Variants in CREBRF observed in about 807,000 individuals in gnomAD.
CREBRF encodes the protein UPF0474 protein C5orf41.
CREBRF carries 5 observed loss-of-function variants against 66.1 expected under a neutral mutation model. The ratio of observed to expected loss-of-function variants is 0.08; its 90% CI spans 0.04 to 0.16. CREBRF has a LOEUF of 0.16. Among genes scored for constraint, CREBRF ranks in the 10% least tolerant of loss-of-function variants. CREBRF has a pLI of 1.00. For missense variants in CREBRF, 531 were observed against 744.9 expected (o/e 0.71, Z 3.34); for synonymous variants, 229 against 264.4 (o/e 0.87, Z 1.30).
At chr5:173,085,762 C>T in intron 2 of CREBRF, 1 of 773,818 alleles carries the variant, frequency 1.3e-6, no homozygotes, top group South Asian at 1.3e-5. Context: ...TAGAACACTC[C>T]ACATACCTGA....
At chr5:173,119,845 A>G (rs1759096879) in intron 7 of CREBRF, among the ~76,000 whole-genome samples, 1 of 152,148 alleles carries the variant, frequency 6.6e-6, no homozygotes, top group Admixed American at 6.6e-5. Flanking sequence ...ATCTATTGGA[A>G]CAATCATGTA....
intron 7 of CREBRF, among the ~76,000 whole-genome samples, chr5:173,119,906 C>A (rs1175601674): frequency 2.0e-5 from 3 of 152,082 alleles, no homozygotes; most frequent in African/African-American, 7.2e-5. Context: ...GTTAAAGTGG[C>A]AAATTACATT....
intron 5 of CREBRF, 177 bp downstream of exon 5, chr5:173,108,995 A>G (rs1199762244): frequency 2.2e-5 from 13 of 582,628 alleles, no homozygotes; most frequent in Non-Finnish European, 3.9e-5. Context: ...AGCTTTTACC[A>G]GTGTTAAGAG....
chr5:173,117,262 C>G (rs1332457328), intron 7 of CREBRF, among the ~76,000 whole-genome samples: 2 of 151,698 alleles, frequency 1.3e-5, no homozygotes, highest in East Asian at 1.9e-4. Flanking sequence ...CACCTGTAAT[C>G]CTAGCTACTC....
chr5:173,057,789 A>AAGTTGAGG (rs2113641314), intron 1 of CREBRF: 1 of 151,078 alleles, frequency 6.6e-6, no homozygotes, highest in South Asian at 2.1e-4. Flanking sequence ...AAAGCCGAGC[A>AAGTTGAGG]AGTTGAGGGC....
At chr5:173,082,979 C>T (rs1758012010) in intron 2 of CREBRF, among the ~76,000 whole-genome samples, 1 of 133,070 alleles carries the variant, frequency 7.5e-6, no homozygotes, top group Non-Finnish European at 1.6e-5. Flanking sequence ...GTAATCCCAG[C>T]ACTTTGGGAG....
At chr5:173,081,878 C>T (rs955844080) in intron 2 of CREBRF, among the ~76,000 whole-genome samples, 5 of 151,990 alleles carry the variant, frequency 3.3e-5, no homozygotes, top group Admixed American at 2.6e-4. Context: ...GCACTCCAGC[C>T]TGGGGACAGA....
At chr5:173,085,288 A>T in intron 2 of CREBRF, 1 of 692,854 alleles carries the variant, frequency 1.4e-6, no homozygotes, top group South Asian at 1.8e-5. Context: ...CACTGCTTTT[A>T]GTATGATGTC....
chr5:173,103,910 A>G (rs1218443730), intron 4 of CREBRF, among the ~76,000 whole-genome samples: 1 of 152,226 alleles, frequency 6.6e-6, no homozygotes, highest in Non-Finnish European at 1.5e-5. Context: ...TTTTTTTGGT[A>G]ATCATGTCAG....
rs1176710734 is a variant in CREBRF at position 173,071,485 on chromosome 5, C to T, written c.-191-9100C>T. 2.0e-5 allele frequency among the ~76,000 whole-genome samples: 3 copies of T among 151,976 alleles called. No homozygotes were observed. In the East Asian group the frequency reaches 5.8e-4, roughly 29 times the overall value. ...TTGGCCTCCCAAAGTGCAGGGATTA[C>T]AGGCATGAGCCACCGTGCCCGGCCT... On this transcript the variant is annotated intron_variant, in intron 1 of 8. Transcript: ENST00000296953.
Position 173,100,078 on chromosome 5 carries a change from TTGTGTGTG to T in CREBRF, c.1223-8512_1223-8505del, listed in dbSNP as rs749558283. Among the ~76,000 whole-genome samples the T allele has an allele frequency of 2.3e-3, 159 of 69,146 alleles. 2 individuals carry two copies. The Middle Eastern group carries it at 0.034, about 15-fold the overall frequency. The allele number at this position is 69,146 out of a possible 152,430, so 45.4% of individuals were successfully genotyped here. ...CCTGCCACCACACCTGGCTAATCTT[TTGTGTGTG>T]TGTGTGTGTGTGTGTGTGTGTGTGT... On this transcript the variant is annotated intron_variant, in intron 4 of 8. Coordinates refer to ENST00000296953, the MANE Select transcript of CREBRF (RefSeq NM_153607.3).
chr5:173,122,912 T>C (rs1258588055), intron 7 of CREBRF, among the ~76,000 whole-genome samples, 168 bp from the exon 8 acceptor site: 1 of 151,544 alleles, frequency 6.6e-6, no homozygotes, highest in Non-Finnish European at 1.5e-5. Flanking sequence ...TCCATGTCCC[T>C]ACAAAGGACA....
At chr5:173,080,484 G>A in intron 1 of CREBRF, 101 bp from the exon 2 acceptor site, 1 of 457,124 alleles carries the variant, frequency 2.2e-6, no homozygotes. Context: ...TTAAAGTACA[G>A]TATTCTCTGC....
At chr5:173,086,412 C>G in intron 2 of CREBRF, 89 bp from the exon 3 acceptor site, 1 of 1,139,270 alleles carries the variant, frequency 8.8e-7, no homozygotes, top group Non-Finnish European at 1.3e-6. Context: ...GAATAAGTTA[C>G]TTAGTGGGGG....
chr5:173,084,426 A>G (rs1758064366), intron 2 of CREBRF, among the ~76,000 whole-genome samples: 1 of 152,208 alleles, frequency 6.6e-6, no homozygotes, highest in Non-Finnish European at 1.5e-5. Flanking sequence ...ATCCATAAGC[A>G]TGCCTTGCTT....
chr5:173,113,044 G>A (rs907038041), intron 7 of CREBRF, among the ~76,000 whole-genome samples: 11 of 152,170 alleles, frequency 7.2e-5, no homozygotes, highest in African/African-American at 2.7e-4. Context: ...CCAGGCTAGA[G>A]TGCAGTAGTT....
intron 2 of CREBRF, among the ~76,000 whole-genome samples, chr5:173,082,437 G>C (rs1435007681): frequency 6.6e-6 from 1 of 150,462 alleles, no homozygotes; most frequent in Non-Finnish European, 1.5e-5. Context: ...GAAGATAAGA[G>C]AAAGAAAAAA....
In CREBRF at chr5:173,079,466, T is replaced by TAAA. The variant is rs57288779; in HGVS notation, c.-191-1103_-191-1101dup. ...TGACAGAGTGAGACTCTGTCTTTTT[T>TAAA]AAAAAAAAAAAAAAAAAAGGAAATT... On this transcript the variant is annotated intron_variant, in intron 1 of 8. Transcript: ENST00000296953. 5.0e-4 allele frequency among the ~76,000 whole-genome samples: 66 copies of TAAA among 131,012 alleles called. No individual in the cohort carries two copies. The East Asian group carries it at 0.012, about 23-fold the overall frequency. The allele number at this position is 131,012 out of a possible 152,430, so 85.9% of individuals were successfully genotyped here.
At chr5:173,115,212 TTC>T (rs1758961563) in intron 7 of CREBRF, among the ~76,000 whole-genome samples, 1 of 151,780 alleles carries the variant, frequency 6.6e-6, no homozygotes, top group Non-Finnish European at 1.5e-5. Context: ...GTTCAAGCGA[TTC>T]TGTTGCCTTA....
Sources: allele counts gnomAD v4.1 joint callset (sites outside exome capture counted in the v4.1 genomes callset), GRCh38; gene constraint gnomAD v4.1.1; transcripts MANE v1.5; gene names NCBI Gene and HGNC (gene_info 2026-07-23, HGNC 2026-07-21).